The following SDK1 variants were observed in gnomAD, a reference collection of about 807,000 sequenced individuals.
The protein encoded by SDK1 is sidekick cell adhesion molecule 1.
In SDK1, 157 loss-of-function variants were observed where a neutral mutation model predicts 245.5. That is an observed-to-expected ratio of 0.64 (90% CI 0.56 to 0.73). The LOEUF is 0.73. Among genes scored for constraint, SDK1 ranks in the 30% least tolerant of loss-of-function variants. The pLI is 0.00. For missense variants in SDK1, 3,583 were observed against 3,002.3 expected (o/e 1.19, Z -4.52); for synonymous variants, 1,647 against 1,278.5 (o/e 1.29, Z -6.15).
At chr7:3,436,088 GTT>G (rs1389329593) in intron 1 of SDK1, among the ~76,000 whole-genome samples, 1 of 152,106 alleles carries the variant, frequency 6.6e-6, no homozygotes, top group African/African-American at 2.4e-5. Flanking sequence ...AAAATAGGTT[GTT>G]TTATTTTCAA....
chr7:4,194,372 A>G (rs62440633), intron 35 of SDK1, among the ~76,000 whole-genome samples: 13 of 97,232 alleles, frequency 1.3e-4, no homozygotes, highest in East Asian at 4.7e-4. Flanking sequence ...GTATGTGTAT[A>G]CATGTATGTG....
chr7:4,171,323 G>GA (rs1781824747), intron 32 of SDK1, among the ~76,000 whole-genome samples: 1 of 152,226 alleles, frequency 6.6e-6, no homozygotes, highest in African/African-American at 2.4e-5. Flanking sequence ...GAGGCGCTTT[G>GA]AAAAGCTTTT....
intron 1 of SDK1, among the ~76,000 whole-genome samples, chr7:3,504,075 G>C (rs895806892): frequency 6.6e-6 from 1 of 151,454 alleles, no homozygotes; most frequent in South Asian, 2.1e-4. Flanking sequence ...GCTTGAACCC[G>C]GGAGGCAGAG....
In SDK1 at chr7:3,858,863, T is replaced by TTTA. The variant is rs1420444964; in HGVS notation, c.847+37282_847+37283insATT. Among the ~76,000 whole-genome samples, 890 of 124,452 alleles carry TTTA rather than the reference T, an allele frequency of 7.2e-3. 9 individuals carry two copies. Among genetic ancestry groups the TTTA allele is most frequent in the African/African-American group, 0.037 (833 of 22,394 alleles). 81.6% of individuals were successfully genotyped at this position (124,452 alleles called of 152,430 possible). On this transcript the variant is annotated intron_variant, in intron 5 of 44. Coordinates refer to ENST00000404826, the MANE Select transcript of SDK1 (RefSeq NM_152744.4). The stretch of plus-strand genomic sequence containing the variant: ...TGTCTAAAACCTTGTATTTTTCTTT[T>TTTA]TTCTTTTTTTTTTTTTTGAGATAGA...
intron 1 of SDK1, among the ~76,000 whole-genome samples, chr7:3,609,600 C>G (rs1293271009): frequency 1.3e-5 from 2 of 152,038 alleles, no homozygotes; most frequent in South Asian, 2.1e-4. Flanking sequence ...TGGGGTTTCA[C>G]TGTGTTTGCC....
rs151045415 is a variant in SDK1 at position 3,805,609 on chromosome 7, G to C, written c.714-15841G>C. ...GTTCCCCCAGTGGAGACTGTAGACT[G>C]TAGACTTATAGAGCCTTGATAGTCT... On this transcript the variant is annotated intron_variant, in intron 4 of 44. Transcript: ENST00000404826. Among the ~76,000 whole-genome samples the C allele has an allele frequency of 1.2e-3, 182 of 152,290 alleles. 2 individuals are homozygous for C. Among genetic ancestry groups the C allele is most frequent in the African/African-American group, 4.2e-3 (173 of 41,562 alleles).
intron 21 of SDK1, among the ~76,000 whole-genome samples, chr7:4,078,396 C>T (rs1780831897): frequency 6.6e-6 from 1 of 152,112 alleles, no homozygotes; most frequent in South Asian, 2.1e-4. Flanking sequence ...ACTTGTCCTT[C>T]AATTTAAACA....
chr7:3,401,244 G>C (rs1236241079), intron 1 of SDK1, among the ~76,000 whole-genome samples: 1 of 152,128 alleles, frequency 6.6e-6, no homozygotes, highest in Non-Finnish European at 1.5e-5. Context: ...ACAAGATTTG[G>C]GGGAATACAC....
chr7:4,010,894 C>T lies in SDK1; in HGVS notation c.2132-72C>T, dbSNP rs541774887. On this transcript the variant is annotated intron_variant, in intron 14 of 44. Transcript: ENST00000404826. ...CAAATGAGATGTTCCCTGAGAAAGC[C>T]TTTGCATTCACCTCTTATTATTCAG... 3.2e-5 allele frequency: 48 copies of T among 1,499,320 alleles called. 1 individual carries two copies. The African/African-American group carries it at 5.9e-4, about 18-fold the overall frequency. The allele number at this position is 1,499,320 out of a possible 1,614,324, so 92.9% of individuals were successfully genotyped here. A position where few individuals can be genotyped will look rare whatever the true frequency, so the allele number is the denominator to read the frequency against.
intron 1 of SDK1, among the ~76,000 whole-genome samples, chr7:3,439,503 C>G (rs1408327025): frequency 6.6e-6 from 1 of 152,112 alleles, no homozygotes; most frequent in Non-Finnish European, 1.5e-5. Flanking sequence ...GTTAATGTGC[C>G]AAGAAGCATA....
Position 3,728,316 on chromosome 7 carries a change from T to C in SDK1, c.713+86211T>C, listed in dbSNP as rs748166715. Among the ~76,000 whole-genome samples the C allele has an allele frequency of 1.2e-4, 18 of 152,240 alleles. 1 individual carries two copies. The highest frequency in any genetic ancestry group is 5.9e-4 in the Admixed American group (9 of 15,286). ...GTGCTGTCTCAGGGTTCACTCCTTC[T>C]GGGTATCTTCTCTTAAATCTGACCA... On this transcript the variant is annotated intron_variant, in intron 4 of 44. Transcript: ENST00000404826.
intron 5 of SDK1, among the ~76,000 whole-genome samples, chr7:3,889,787 C>G (rs1781416085): frequency 6.6e-6 from 1 of 152,318 alleles, no homozygotes; most frequent in Middle Eastern, 3.4e-3. Context: ...GGATTACAGG[C>G]ATGAGCCATC....
Position 4,265,275 on chromosome 7 carries a change from C to G in SDK1, c.6533C>G (p.Ala2178Gly). Residue 2178 changes from alanine to glycine, a missense_variant, in exon 45 of 45, where the codon GCG becomes GGG. By Grantham distance (60) the Ala-to-Gly change is moderately conservative (BLOSUM62 0). Coordinates refer to ENST00000404826, the MANE Select transcript of SDK1 (RefSeq NM_152744.4). ...TACGAGGCGGTGGCGGGCTCCGAGG[C>G]GGGCGCGCAGCTGCACCCGGTCATC... ...HRYEAVAGSEAGAQLHPVITT... is the reference protein window; with the variant it reads ...HRYEAVAGSEGGAQLHPVITT... 2.5e-6 allele frequency: 4 copies of G among 1,591,102 alleles called. No homozygotes were observed. The highest frequency in any genetic ancestry group is 3.4e-6 in the Non-Finnish European group (4 of 1,174,588).
At chr7:3,439,681 A>G (rs1456843781) in intron 1 of SDK1, among the ~76,000 whole-genome samples, 1 of 152,238 alleles carries the variant, frequency 6.6e-6, no homozygotes, top group Non-Finnish European at 1.5e-5. Flanking sequence ...GATCTGATGC[A>G]CTTTTGGATA....
intron 5 of SDK1, among the ~76,000 whole-genome samples, chr7:3,827,489 G>A (rs941888753): frequency 1.3e-5 from 2 of 152,204 alleles, no homozygotes; most frequent in African/African-American, 4.8e-5. Flanking sequence ...GGGCAGAATT[G>A]AGAAAGTGAA....
intron 1 of SDK1, among the ~76,000 whole-genome samples, chr7:3,560,288 C>T (rs747421404): frequency 2.0e-5 from 3 of 152,154 alleles, no homozygotes; most frequent in Non-Finnish European, 4.4e-5. Context: ...TATTGATGTA[C>T]TGTCTATATG....
At chr7:3,486,746 A>T (rs1781708720) in intron 1 of SDK1, among the ~76,000 whole-genome samples, 1 of 152,072 alleles carries the variant, frequency 6.6e-6, no homozygotes, top group African/African-American at 2.4e-5. Context: ...ATCCTATTAC[A>T]TTTATTTTAA....
At chr7:3,407,159 C>T (rs967720676) in intron 1 of SDK1, among the ~76,000 whole-genome samples, 4 of 152,176 alleles carry the variant, frequency 2.6e-5, no homozygotes, top group African/African-American at 9.7e-5. Flanking sequence ...GAAAGAAGTC[C>T]TTGCACACTG....
At chr7:3,965,653 C>T (rs1782029996) in intron 9 of SDK1, among the ~76,000 whole-genome samples, 1 of 152,126 alleles carries the variant, frequency 6.6e-6, no homozygotes, top group African/African-American at 2.4e-5. Flanking sequence ...GGTGAGGTTC[C>T]TGTGCTTCCA....
Sources: gnomAD v4.1 joint callset for allele counts (sites outside exome capture counted in the v4.1 genomes callset) on GRCh38, gnomAD v4.1.1 for gene constraint, MANE v1.5 for transcripts, NCBI Gene and HGNC (gene_info 2026-07-23, HGNC 2026-07-21) for gene names.